The following JARID2 variants were observed in gnomAD, a reference collection of about 807,000 sequenced individuals.
JARID2 encodes the protein jumonji and AT-rich interaction domain containing 2.
JARID2 carries 21 observed loss-of-function variants against 125.6 expected under a neutral mutation model. That is an observed-to-expected ratio of 0.17 (90% confidence interval 0.12 to 0.24). JARID2 has a LOEUF of 0.24. Ranked by LOEUF, JARID2 falls within the 10% of genes least tolerant of loss-of-function variation. The pLI, the probability that JARID2 is intolerant of heterozygous loss-of-function variation, is 1.00. For synonymous variants in JARID2, 736 were observed against 661.6 expected (o/e 1.11, Z -1.73); for missense variants, 1,303 against 1,639.6 (o/e 0.79, Z 3.55).
intron 3 of JARID2, among the ~76,000 whole-genome samples, chr6:15,427,185 C>T (rs1475643997): frequency 6.6e-6 from 1 of 152,146 alleles, no homozygotes; most frequent in Non-Finnish European, 1.5e-5. Context: ...TAAACCTGCA[C>T]CACACTCTGT....
At chr6:15,363,090 G>T (rs557299588) in intron 1 of JARID2, among the ~76,000 whole-genome samples, 6 of 152,258 alleles carry the variant, frequency 3.9e-5, no homozygotes, top group Admixed American at 2.0e-4. Flanking sequence ...GGTGGTGGAG[G>T]TGATGAAACA....
chr6:15,517,725 C>T (rs1771632923), intron 17 of JARID2, among the ~76,000 whole-genome samples: 1 of 152,230 alleles, frequency 6.6e-6, no homozygotes, highest in Non-Finnish European at 1.5e-5. Flanking sequence ...ATCCCGGTGC[C>T]TTCCTGCAGG....
At chr6:15,497,871 CCAA>C (rs936441536) in intron 7 of JARID2, among the ~76,000 whole-genome samples, 4 of 152,272 alleles carry the variant, frequency 2.6e-5, no homozygotes, top group Non-Finnish European at 5.9e-5. Flanking sequence ...TCTCCCGAAA[CCAA>C]CAAGACCTCC....
At chr6:15,285,405 G>A (rs994371866) in intron 1 of JARID2, among the ~76,000 whole-genome samples, 3 of 152,014 alleles carry the variant, frequency 2.0e-5, no homozygotes, top group Non-Finnish European at 2.9e-5. Flanking sequence ...GATTACAGGC[G>A]TGAGCCACCG....
chr6:15,366,612 C>T (rs552246230), intron 1 of JARID2, among the ~76,000 whole-genome samples: 14 of 151,882 alleles, frequency 9.2e-5, no homozygotes, highest in African/African-American at 7.2e-5. Flanking sequence ...GGAGATCTTC[C>T]TGCCTGTGAT....
At chr6:15,285,424 C>T (rs11969197) in intron 1 of JARID2, among the ~76,000 whole-genome samples, 18,438 of 152,098 alleles carry the variant, frequency 0.12, 1,948 homozygotes, top group African/African-American at 0.28. Flanking sequence ...CGCGCCCAGC[C>T]GTCAGTGTAC....
intron 15 of JARID2, 32 bp downstream of exon 15, chr6:15,513,077 C>G (rs1295705845): frequency 3.7e-6 from 6 of 1,613,006 alleles, no homozygotes; most frequent in Non-Finnish European, 5.1e-6. Context: ...CGCCAGAGAG[C>G]TGGACCCGGC....
At chr6:15,326,759 C>A (rs1167920266) in intron 1 of JARID2, among the ~76,000 whole-genome samples, 1 of 152,184 alleles carries the variant, frequency 6.6e-6, no homozygotes, top group South Asian at 2.1e-4. Context: ...CCTTGGCCTC[C>A]GAAAGTTCTG....
At chr6:15,456,652 A>C (rs1768190265) in intron 4 of JARID2, among the ~76,000 whole-genome samples, 1 of 152,074 alleles carries the variant, frequency 6.6e-6, no homozygotes. Context: ...CCCAAATGAC[A>C]GATGATGCTT....
At chr6:15,332,166 A>T (rs1020718959) in intron 1 of JARID2, among the ~76,000 whole-genome samples, 3 of 152,228 alleles carry the variant, frequency 2.0e-5, no homozygotes, top group Admixed American at 1.3e-4. Flanking sequence ...AAAAATTCCG[A>T]CAAAGAATTA....
chr6:15,356,841 C>G (rs1763615682), intron 1 of JARID2, among the ~76,000 whole-genome samples: 1 of 152,006 alleles, frequency 6.6e-6, no homozygotes, highest in East Asian at 1.9e-4. Flanking sequence ...ATGGTGAAAC[C>G]CCATCTCTAT....
intron 3 of JARID2, among the ~76,000 whole-genome samples, chr6:15,432,151 G>A (rs779833968): frequency 1.3e-5 from 2 of 151,968 alleles, no homozygotes; most frequent in Non-Finnish European, 2.9e-5. Context: ...TCTACAGGCC[G>A]GGTGTGGTGG....
At chr6:15,499,656 C>T (rs1029222082) in intron 7 of JARID2, among the ~76,000 whole-genome samples, 1 of 152,166 alleles carries the variant, frequency 6.6e-6, no homozygotes, top group African/African-American at 2.4e-5. Flanking sequence ...ACCTGTGACT[C>T]TGGGAGTCTG....
intron 6 of JARID2, 101 bp from the exon 7 acceptor site, chr6:15,496,031 A>C (rs1250182040): frequency 1.1e-6 from 1 of 949,256 alleles, no homozygotes; most frequent in Non-Finnish European, 1.6e-6. Flanking sequence ...GGCTCTGTTC[A>C]TCCCCAGCAT....
chr6:15,378,007 C>T (rs1764433495), intron 2 of JARID2, among the ~76,000 whole-genome samples: 1 of 151,660 alleles, frequency 6.6e-6, no homozygotes, highest in African/African-American at 2.4e-5. Flanking sequence ...GCCTCAGCCC[C>T]CAGAGTAGCT....
intron 1 of JARID2, among the ~76,000 whole-genome samples, chr6:15,372,862 C>T (rs1271169913): frequency 6.6e-6 from 1 of 152,148 alleles, no homozygotes; most frequent in Non-Finnish European, 1.5e-5. Context: ...TCGCGTGCCA[C>T]CACGCCTGGC....
At chr6:15,461,578 G>A (rs1237634435) in intron 4 of JARID2, among the ~76,000 whole-genome samples, 10 of 152,092 alleles carry the variant, frequency 6.6e-5, no homozygotes, top group Non-Finnish European at 1.5e-4. Context: ...TTCATCCCCT[G>A]TCTCCCAGAT....
chr6:15,263,572 C>G (rs1203519949), intron 1 of JARID2, among the ~76,000 whole-genome samples: 1 of 150,894 alleles, frequency 6.6e-6, no homozygotes, highest in African/African-American at 2.4e-5. Flanking sequence ...TGAGATTGGT[C>G]CTTAACTAGA....
chr6:15,263,124 G>A (rs1375753111), intron 1 of JARID2, among the ~76,000 whole-genome samples: 1 of 146,974 alleles, frequency 6.8e-6, no homozygotes, highest in Non-Finnish European at 1.5e-5. Context: ...GTGTGGTAGG[G>A]GTCCTCATTT....
Sources: allele counts gnomAD v4.1 joint callset (sites outside exome capture counted in the v4.1 genomes callset), GRCh38; gene constraint gnomAD v4.1.1; transcripts MANE v1.5; gene names NCBI Gene and HGNC (gene_info 2026-07-23, HGNC 2026-07-21).